FABP1: variants seen among roughly 807,000 people sequenced by gnomAD.
The protein encoded by FABP1 is fatty acid binding protein 1, also known as fatty acid-binding protein, liver.
In FABP1, 13 loss-of-function variants were observed where a neutral mutation model predicts 13.7. The observed-to-expected ratio is 0.95, with a 90% confidence interval of 0.62 to 1.51. FABP1 has a LOEUF of 1.51. Among genes scored for constraint, FABP1 ranks in the 40% most tolerant of loss-of-function variants. The pLI, the probability that FABP1 is intolerant of heterozygous loss-of-function variation, is 0.00. For synonymous variants in FABP1, 48 were observed against 59.8 expected, an observed-to-expected ratio of 0.80 and a Z score of 0.91; for missense variants, 140 against 155.7, an observed-to-expected ratio of 0.90 and a Z score of 0.54.
At chr2:88,126,122 T>G in intron 2 of FABP1, 54 bp downstream of exon 2, 1 of 1,542,650 alleles carries the variant, frequency 6.5e-7, no homozygotes, top group Non-Finnish European at 8.8e-7. Flanking sequence ...AGGAATGAGG[T>G]CCCAGGGCCA....
intron 1 of FABP1, 52 bp from the exon 2 acceptor site, chr2:88,126,400 A>G (rs1675298597): frequency 1.3e-6 from 2 of 1,574,600 alleles, no homozygotes; most frequent in Non-Finnish European, 1.7e-6. Flanking sequence ...GAGTTTCATG[A>G]CCGTGGTAGG....
At chr2:88,127,712 T>C (rs551529282) in intron 1 of FABP1, among the ~76,000 whole-genome samples, 1 of 152,302 alleles carries the variant, frequency 6.6e-6, no homozygotes, top group Non-Finnish European at 1.5e-5. Context: ...GCCAATGACA[T>C]GGCCATCAAT....
intron 3 of FABP1, chr2:88,124,237 C>G (rs181501886): frequency 2.9e-5 from 13 of 442,238 alleles, no homozygotes; most frequent in Non-Finnish European, 2.8e-5. Context: ...TATGAAGCAC[C>G]CTGGGCATGC....
At chr2:88,127,489 A>G (rs973052543) in intron 1 of FABP1, among the ~76,000 whole-genome samples, 1 of 152,204 alleles carries the variant, frequency 6.6e-6, no homozygotes, top group African/African-American at 2.4e-5. Context: ...TGGTCAGCAC[A>G]GTCGCCTGGC....
Position 88,127,236 on chromosome 2 carries a change from C to T in FABP1, c.67+715G>A, listed in dbSNP as rs750551491. 5.3e-5 allele frequency among the ~76,000 whole-genome samples: 8 copies of T among 152,248 alleles called. No homozygotes were observed. The East Asian group carries it at 1.2e-3, about 22-fold the overall frequency. On this transcript the variant is annotated intron_variant, in intron 1 of 3. Coordinates refer to ENST00000295834, the MANE Select transcript of FABP1 (RefSeq NM_001443.3). ...CTTCTCTTTACCTCCACTGAGCCAT[C>T]CCCCCATGCTCTCTGTGAGCCACAT...
intron 2 of FABP1, among the ~76,000 whole-genome samples, chr2:88,125,221 G>A (rs1216878793): frequency 1.3e-5 from 2 of 151,908 alleles, no homozygotes; most frequent in East Asian, 3.9e-4. Context: ...AAAGACCCTG[G>A]GCAACATTAA....
chr2:88,124,118 G>A (rs1352076245), intron 3 of FABP1: 2 of 194,144 alleles, frequency 1.0e-5, no homozygotes, highest in Non-Finnish European at 1.0e-5. Context: ...GTGGCTGGCA[G>A]CCAGGCACCA....
chr2:88,125,509 CA>C, intron 2 of FABP1, among the ~76,000 whole-genome samples: 1 of 152,312 alleles, frequency 6.6e-6, no homozygotes, highest in African/African-American at 2.4e-5. Flanking sequence ...CCCCTGCCAC[CA>C]TCTGCCAACC....
intron 1 of FABP1, 199 bp from the exon 2 acceptor site, chr2:88,126,547 C>A (rs913813381): frequency 1.9e-6 from 1 of 530,684 alleles, no homozygotes. Flanking sequence ...CCTGGCCTGG[C>A]CTGCTGCTAT....
rs887654854 is a variant in FABP1, at chr2:88,128,007, G to T, written c.11C>A (p.Ser4Tyr). Reference sequence around the variant, plus strand: ...CTGGCTCTGCAGTTGGTACTTGCCGGAGAAACTCATGGTGGCAATAGAGCT... The same window carrying T: ...CTGGCTCTGCAGTTGGTACTTGCCGTAGAAACTCATGGTGGCAATAGAGCT... MSF[S>Y]GKYQLQSQEN... Residue 4 changes from serine (S) to tyrosine (Y), a missense_variant, in exon 1 of 4, where the codon TCC (serine) becomes TAC (tyrosine). Coordinates refer to ENST00000295834, the MANE Select transcript of FABP1 (RefSeq NM_001443.3). 4 of 1,614,076 alleles carry T rather than the reference G, an allele frequency of 2.5e-6. No individual in the cohort carries two copies. The highest frequency in any genetic ancestry group is 1.7e-5 in the Admixed American group (1 of 60,006).
At chr2:88,125,323 T>A (rs1675276294) in intron 2 of FABP1, among the ~76,000 whole-genome samples, 1 of 152,138 alleles carries the variant, frequency 6.6e-6, no homozygotes, top group African/African-American at 2.4e-5. Flanking sequence ...CCTAAAATCA[T>A]CCTGACCTGT....
intron 3 of FABP1, chr2:88,123,462 G>T: frequency 4.1e-6 from 1 of 242,954 alleles, no homozygotes; most frequent in Non-Finnish European, 7.9e-6. Flanking sequence ...TGAGCACCAA[G>T]GATACATGTA....
chr2:88,124,471 C>A, intron 3 of FABP1, 23 bp downstream of exon 3: 2 of 1,584,282 alleles, frequency 1.3e-6, no homozygotes, highest in South Asian at 1.1e-5. Flanking sequence ...GGGAGCCACA[C>A]GCTCAGAGCA....
chr2:88,127,435 G>A (rs560941877), intron 1 of FABP1, among the ~76,000 whole-genome samples: 1 of 152,296 alleles, frequency 6.6e-6, no homozygotes, highest in Admixed American at 6.5e-5. Flanking sequence ...ATGGTACCCA[G>A]CTTAGTTTTT....
intron 2 of FABP1, 102 bp from the exon 3 acceptor site, chr2:88,124,688 C>G (rs962266473): frequency 1.3e-6 from 1 of 755,326 alleles, no homozygotes; most frequent in Admixed American, 2.7e-5. Flanking sequence ...TCATAACAAC[C>G]AAAATGCTCT....
chr2:88,126,505 C>T (rs748505537), intron 1 of FABP1, 157 bp from the exon 2 acceptor site: 72 of 694,526 alleles, frequency 1.0e-4, no homozygotes, highest in Non-Finnish European at 1.6e-4. Context: ...TCAGCAGCAT[C>T]GGCTGTGGCC....
At chr2:88,123,268 G>T (rs985903778) in intron 3 of FABP1, 164 bp from the exon 4 acceptor site, 1 of 591,274 alleles carries the variant, frequency 1.7e-6, no homozygotes, top group Non-Finnish European at 3.0e-6. Context: ...CGGAGGAAAG[G>T]TTGGCAATGT....
chr2:88,124,325 G>A, intron 3 of FABP1, 169 bp downstream of exon 3: 1 of 561,000 alleles, frequency 1.8e-6, no homozygotes, highest in African/African-American at 1.9e-5. Flanking sequence ...AAACTGCCTG[G>A]GACATGATGG....
At chr2:88,123,192 A>T in intron 3 of FABP1, 88 bp from the exon 4 acceptor site, 2 of 1,044,250 alleles carry the variant, frequency 1.9e-6, no homozygotes, top group South Asian at 1.5e-5. Context: ...AATTAAGCTT[A>T]AAAAACAGCA....
Sources: gnomAD v4.1 joint callset for allele counts (sites outside exome capture counted in the v4.1 genomes callset) on GRCh38, gnomAD v4.1.1 for gene constraint, MANE v1.5 for transcripts, NCBI Gene and HGNC (gene_info 2026-07-23, HGNC 2026-07-21) for gene names.